The following SIKE1 variants were observed in gnomAD, a reference collection of about 807,000 sequenced individuals.
SIKE1 encodes suppressor of IKK epsilon.
A neutral mutation model predicts 25.8 loss-of-function variants in SIKE1; 13 were observed. The ratio of observed to expected loss-of-function variants is 0.50; its 90% confidence interval spans 0.33 to 0.80. The LOEUF is 0.80. Ranked by LOEUF, SIKE1 falls within the 30% of genes least tolerant of loss-of-function variation. The pLI, the probability that SIKE1 is intolerant of heterozygous loss-of-function variation, is 0.02. For synonymous variants in SIKE1, 86 were observed against 95.5 expected (o/e 0.90, Z 0.58); for missense variants, 222 against 252.4 (o/e 0.88, Z 0.82).
chr1:114,778,279 CA>C (rs1662302315), intron 3 of SIKE1, among the ~76,000 whole-genome samples: 1 of 152,072 alleles, frequency 6.6e-6, no homozygotes, highest in Non-Finnish European at 1.5e-5. Context: ...CTGAGTCTCC[CA>C]AATTAGCAAA....
In SIKE1 at chr1:114,780,627, C is replaced by T; in HGVS notation, c.-20G>A. ...GCTCATAGCAGCAGCACCACCCCAG[C>T]CCCTGCCGGGCTCAGCTACGCGACT... is the stretch of plus-strand genomic sequence containing the variant. On this transcript the variant is annotated 5_prime_UTR_variant, in exon 1 of 5. Coordinates refer to ENST00000060969, the MANE Select transcript of SIKE1 (RefSeq NM_025073.3). The T allele has an allele frequency of 6.3e-7, 1 of 1,588,162 alleles. No homozygotes were observed. Among genetic ancestry groups the T allele is most frequent in the Non-Finnish European group, 8.6e-7 (1 of 1,165,300 alleles).
Position 114,779,303 on chromosome 1 carries a change from A to T in SIKE1, c.266-19T>A, listed in dbSNP as rs764087853. On this transcript the variant is annotated intron_variant, in intron 2 of 4. Transcript: ENST00000060969. ...CATAGCTCTGTCAAAAAATAAAAGA[A>T]CTTGGCAGTGATGTCTGAGAGACAG... is the stretch of plus-strand genomic sequence containing the variant. The T allele has an allele frequency of 1.2e-6, 2 of 1,612,366 alleles. No individual in the cohort carries two copies. Among genetic ancestry groups the T allele is most frequent in the East Asian group, 4.5e-5 (2 of 44,854 alleles).
intron 4 of SIKE1, among the ~76,000 whole-genome samples, chr1:114,774,682 T>C (rs1008164453): frequency 5.3e-5 from 8 of 152,224 alleles, no homozygotes; most frequent in South Asian, 2.1e-4. Context: ...TTCACTGTTA[T>C]ATTCTTCTTG....
rs1247324361 is a variant in SIKE1 at position 114,770,553 on chromosome 1, G to A, written c.*3718C>T. 6.6e-6 allele frequency: 1 copy of A among 152,112 alleles called. No homozygotes were observed. Among genetic ancestry groups the A allele is most frequent in the Non-Finnish European group, 1.5e-5 (1 of 68,026 alleles). The allele number at this position is 152,112 out of a possible 1,614,324, so 9.4% of individuals were successfully genotyped here. A position where few individuals can be genotyped will look rare whatever the true frequency, so the allele number is the denominator to read the frequency against. On this transcript the variant is annotated 3_prime_UTR_variant, in exon 5 of 5. Transcript: ENST00000060969. Reference sequence around the variant, plus strand: ...TTGTATCACTAATTTTAAAATTGAAGGCAGATGTTTCTTCCTTAGCTGCAA... The same window carrying A: ...TTGTATCACTAATTTTAAAATTGAAAGCAGATGTTTCTTCCTTAGCTGCAA...
At chr1:114,779,795 G>A (rs1662349335) in intron 2 of SIKE1, among the ~76,000 whole-genome samples, 1 of 152,166 alleles carries the variant, frequency 6.6e-6, no homozygotes, top group African/African-American at 2.4e-5. Context: ...TACCTTCAGT[G>A]TTTATATTAA....
Position 114,775,538 on chromosome 1 carries a change from C to A in SIKE1, c.522+808G>T, listed in dbSNP as rs968281713. Reference sequence around the variant, plus strand: ...TTTTTTTTTGAGACAGGGTCTCACTCTGTCACTCGGTTGGAGTGCAGTGGC... The same window carrying A: ...TTTTTTTTTGAGACAGGGTCTCACTATGTCACTCGGTTGGAGTGCAGTGGC... On this transcript the variant is annotated intron_variant, in intron 4 of 4. Transcript: ENST00000060969. 2.1e-5 allele frequency among the ~76,000 whole-genome samples: 3 copies of A among 143,842 alleles called. No individual in the cohort carries two copies. The Admixed American group carries it at 2.1e-4, about 10-fold the overall frequency. 94.4% of individuals were successfully genotyped at this position (143,842 alleles called of 152,430 possible). A position where few individuals can be genotyped will look rare whatever the true frequency, so the allele number is the denominator to read the frequency against.
chr1:114,780,186 G>A lies in SIKE1; in HGVS notation c.189C>T (p.Asp63=). Residue 63 remains aspartate, a synonymous_variant, in exon 2 of 5, where the codon GAC becomes GAT. Transcript: ENST00000060969. ...GAATGTGAGGTTTGTATTTGGACATGTCCTTCATATCGGATGCATCCTCTT... is the reference window on the plus strand; with the variant it reads ...GAATGTGAGGTTTGTATTTGGACATATCCTTCATATCGGATGCATCCTCTT... The part of the protein sequence containing the change: ...QYQEDASDMK[D]MSKYKPHILL... 1 of 1,613,834 alleles carries A rather than the reference G, an allele frequency of 6.2e-7. No individual in the cohort carries two copies. Among genetic ancestry groups the A allele is most frequent in the Non-Finnish European group, 8.5e-7 (1 of 1,179,852 alleles).
chr1:114,778,866 A>AAAC, intron 3 of SIKE1: 1 of 414,164 alleles, frequency 2.4e-6, no homozygotes, highest in South Asian at 3.3e-5. Context: ...TCTCTACCAA[A>AAAC]AAACAAACAA....
rs527236397 is a variant in SIKE1, at chr1:114,775,351, TTTACATA to T, written c.523-986_523-980del. ...CGGTATTTGTATCTGTCTCCTAGCA[TTTACATA>T]TTATTTAATATCATATAATACTAGG... On this transcript the variant is annotated intron_variant, in intron 4 of 4. Transcript: ENST00000060969. Among the ~76,000 whole-genome samples, 542 of 152,286 alleles carry T rather than the reference TTTACATA, an allele frequency of 3.6e-3. 2 individuals carry two copies. Among genetic ancestry groups the T allele is most frequent in the Non-Finnish European group, 5.9e-3 (404 of 68,022 alleles).
At chr1:114,780,365 C>A in intron 1 of SIKE1, 84 bp downstream of exon 1, 1 of 1,607,712 alleles carries the variant, frequency 6.2e-7, no homozygotes. Flanking sequence ...GGAATAAATT[C>A]CAGGCCGAGT....
At chr1:114,779,094 C>A in intron 3 of SIKE1, 48 bp downstream of exon 3, 1 of 1,609,612 alleles carries the variant, frequency 6.2e-7, no homozygotes, top group Non-Finnish European at 8.5e-7. Context: ...CTAAAACAAT[C>A]TCAAGATTTC....
chr1:114,776,252 C>T, intron 4 of SIKE1, 94 bp downstream of exon 4: 1 of 779,510 alleles, frequency 1.3e-6, no homozygotes, highest in Non-Finnish European at 2.2e-6. Flanking sequence ...ACACAGAAAA[C>T]ATCAATATAT....
At chr1:114,774,696 C>T (rs1467526655) in intron 4 of SIKE1, among the ~76,000 whole-genome samples, 1 of 152,100 alleles carries the variant, frequency 6.6e-6, no homozygotes, top group Non-Finnish European at 1.5e-5. Context: ...CTTCTTGGTT[C>T]CCACAGTTTT....
intron 4 of SIKE1, among the ~76,000 whole-genome samples, chr1:114,775,772 T>G (rs1173990605): frequency 2.0e-5 from 3 of 152,118 alleles, no homozygotes; most frequent in African/African-American, 7.2e-5. Flanking sequence ...CTCTCAAAGT[T>G]GAAATGTTTT....
At position 114,769,518 on chromosome 1, in the gene SIKE1, T is replaced by A. The variant is rs1389874038; in HGVS notation, c.*4753A>T. The A allele has an allele frequency of 6.6e-6, 1 of 152,134 alleles. No homozygotes were observed. The highest frequency in any genetic ancestry group is 1.5e-5 in the Non-Finnish European group (1 of 68,018). The allele number at this position is 152,134 out of a possible 1,614,324, so 9.4% of individuals were successfully genotyped here. On this transcript the variant is annotated 3_prime_UTR_variant, in exon 5 of 5. Transcript: ENST00000060969. ...GTATAATTTATTATATATGTATGTA[T>A]TCCTTAACAATATGTTGTATAACCC...
At chr1:114,779,998 G>T (rs1436155447) in intron 2 of SIKE1, 112 bp downstream of exon 2, 2 of 709,492 alleles carry the variant, frequency 2.8e-6, no homozygotes, top group African/African-American at 3.6e-5. Context: ...AGATCAGGAG[G>T]ACTCTCCTAC....
intron 3 of SIKE1, among the ~76,000 whole-genome samples, chr1:114,778,338 TC>T (rs1662304439): frequency 6.6e-6 from 1 of 152,152 alleles, no homozygotes; most frequent in Non-Finnish European, 1.5e-5. Context: ...CATACTTCTC[TC>T]CCCTAACAAC....
Position 114,780,684 on chromosome 1 carries a change from T to C in SIKE1, c.-77A>G. The C allele has an allele frequency of 3.8e-6, 5 of 1,311,516 alleles. No individual in the cohort carries two copies. Among genetic ancestry groups the C allele is most frequent in the Non-Finnish European group, 5.2e-6 (5 of 967,946 alleles). 81.2% of individuals were successfully genotyped at this position (1,311,516 alleles called of 1,614,324 possible). On this transcript the variant is annotated 5_prime_UTR_variant, in exon 1 of 5. An upstream start codon of the reference 5' UTR is lost. Coordinates refer to ENST00000060969, the MANE Select transcript of SIKE1 (RefSeq NM_025073.3). The stretch of plus-strand genomic sequence containing the variant: ...GATCTTCTGGGAGTCTGTCTCAGCA[T>C]TACAGGCGTCATTTCCGGGCACGTT...
At position 114,769,727 on chromosome 1, in the gene SIKE1, G is replaced by C. The variant is rs1490129407; in HGVS notation, c.*4544C>G. 1 of 152,054 alleles carries C rather than the reference G, an allele frequency of 6.6e-6. No homozygotes were observed. The highest frequency in any genetic ancestry group is 1.5e-5 in the Non-Finnish European group (1 of 68,016). 9.4% of individuals were successfully genotyped at this position (152,054 alleles called of 1,614,324 possible). A position where few individuals can be genotyped will look rare whatever the true frequency, so the allele number is the denominator to read the frequency against. ...ACTTTAGGGATACATATGTATTTTA[G>C]GTCTTTCTACATTCGAACAAATCTA... On this transcript the variant is annotated 3_prime_UTR_variant, in exon 5 of 5. Transcript: ENST00000060969.
Sources: gnomAD v4.1 joint callset for allele counts (sites outside exome capture counted in the v4.1 genomes callset) on GRCh38, gnomAD v4.1.1 for gene constraint, MANE v1.5 for transcripts, NCBI Gene and HGNC (gene_info 2026-07-23, HGNC 2026-07-21) for gene names.